The following SPECC1 variants were observed in gnomAD, a reference collection of about 807,000 sequenced individuals.
SPECC1 encodes cytospin-B.
Under a neutral mutation model 104.1 loss-of-function variants are expected in SPECC1, and 62 were observed. The ratio of observed to expected loss-of-function variants is 0.60; its 90% confidence interval spans 0.49 to 0.74. The LOEUF (loss-of-function observed/expected upper bound fraction) is 0.74, where lower values mean the gene tolerates loss of function less well. Ranked by LOEUF, SPECC1 falls within the 30% of genes least tolerant of loss-of-function variation. The probability of loss-of-function intolerance (pLI) is 0.00; values close to 1 mark genes in which losing one functional copy is unlikely to be tolerated. For missense variants in SPECC1, 1,306 were observed against 1,310.5 expected (o/e 1.00, Z 0.05); for synonymous variants, 513 against 501.6 (o/e 1.02, Z -0.30).
At chr17:20,099,070 G>C (rs1484050526) in intron 2 of SPECC1, among the ~76,000 whole-genome samples, 2 of 152,170 alleles carry the variant, frequency 1.3e-5, no homozygotes, top group African/African-American at 2.4e-5. Context: ...CTGTGTAGCT[G>C]CCCTGAGCTT....
At chr17:20,082,719 C>G (rs543895234) in intron 1 of SPECC1, among the ~76,000 whole-genome samples, 45 of 152,248 alleles carry the variant, frequency 3.0e-4, no homozygotes, top group African/African-American at 1.1e-3. Context: ...AGGGCTCAAC[C>G]ATATGACCTC....
intron 2 of SPECC1, among the ~76,000 whole-genome samples, chr17:20,099,600 C>T (rs1016297005): frequency 7.4e-6 from 1 of 136,002 alleles, no homozygotes; most frequent in Non-Finnish European, 1.5e-5. Flanking sequence ...GAGGCTGAGA[C>T]AGGAGAATTG....
At chr17:20,029,575 C>T (rs974601965) in intron 1 of SPECC1, among the ~76,000 whole-genome samples, 20 of 152,104 alleles carry the variant, frequency 1.3e-4, no homozygotes, top group African/African-American at 4.8e-4. Context: ...TGGATAGTTT[C>T]TTGGTTGTCA....
At chr17:20,035,816 G>A (rs1478760691) in intron 1 of SPECC1, among the ~76,000 whole-genome samples, 1 of 151,454 alleles carries the variant, frequency 6.6e-6, no homozygotes, top group African/African-American at 2.4e-5. Flanking sequence ...TAGTTTTAGT[G>A]TTTTTAAAAT....
chr17:20,132,035 C>G (rs1176997421), intron 3 of SPECC1, among the ~76,000 whole-genome samples: 2 of 152,122 alleles, frequency 1.3e-5, no homozygotes, highest in Non-Finnish European at 2.9e-5. Flanking sequence ...TGAGGAATTT[C>G]TCCTCTATTC....
At chr17:20,213,671 A>AC (rs2037305420) in intron 4 of SPECC1, among the ~76,000 whole-genome samples, 1 of 152,048 alleles carries the variant, frequency 6.6e-6, no homozygotes, top group African/African-American at 2.4e-5. Context: ...GGGTGAGTTG[A>AC]CCCCTGAGTG....
intron 3 of SPECC1, among the ~76,000 whole-genome samples, chr17:20,166,584 A>G (rs1339390965): frequency 6.6e-6 from 1 of 152,302 alleles, no homozygotes; most frequent in East Asian, 1.9e-4. Flanking sequence ...GAAAACTTTT[A>G]TTATCAAAAA....
chr17:20,172,099 A>T (rs1242251565), intron 3 of SPECC1, among the ~76,000 whole-genome samples: 2 of 152,174 alleles, frequency 1.3e-5, no homozygotes, highest in African/African-American at 4.8e-5. Context: ...TGAGTCTTAG[A>T]TAAAGTGTCA....
intron 7 of SPECC1, among the ~76,000 whole-genome samples, chr17:20,244,505 CATAAG>C (rs1567978959): frequency 1.3e-5 from 2 of 151,506 alleles, no homozygotes; most frequent in Non-Finnish European, 2.9e-5. Context: ...TTTTTTCACT[CATAAG>C]AAGGGACTGT....
intron 4 of SPECC1, among the ~76,000 whole-genome samples, chr17:20,211,158 AG>A (rs2037121290): frequency 6.6e-6 from 1 of 152,198 alleles, no homozygotes; most frequent in Non-Finnish European, 1.5e-5. Flanking sequence ...AGGGAAGCTG[AG>A]GGAACCTGCT....
chr17:20,082,994 GTTCGTTCGTTCATTCA>G (rs1363145578), intron 1 of SPECC1, among the ~76,000 whole-genome samples: 2 of 121,932 alleles, frequency 1.6e-5, no homozygotes, highest in East Asian at 4.1e-4. Context: ...TCGTTCGTTC[GTTCGTTCGTTCATTCA>G]TCCATCTAAA....
chr17:20,089,846 G>A (rs1038830418), intron 1 of SPECC1, among the ~76,000 whole-genome samples: 7 of 152,146 alleles, frequency 4.6e-5, no homozygotes, highest in South Asian at 2.1e-4. Context: ...AGAAATGGGC[G>A]CCCTAGAGAG....
At chr17:20,024,900 C>T (rs995301866) in intron 1 of SPECC1, among the ~76,000 whole-genome samples, 1 of 152,108 alleles carries the variant, frequency 6.6e-6, no homozygotes, top group African/African-American at 2.4e-5. Context: ...TAATTAGTTC[C>T]CATATTAAAT....
At position 20,205,400 on chromosome 17, in the gene SPECC1, G is replaced by C; in HGVS notation, c.1351G>C (p.Val451Leu). ...GCTGATGAATCTTTTACAAGAGCGA[G>C]TAAAGAATGAAGAGCCCACCACTCA... ...EKLMNLLQER[V>L]KNEEPTTQEG... The change falls in exon 4 of 15, where the codon GTA becomes CTA. Residue 451 changes from valine (V) to leucine (L), a missense_variant. Physicochemically the swap from Val to Leu is conservative, Grantham distance 32. Coordinates refer to ENST00000395527, the MANE Select transcript of SPECC1 (RefSeq NM_001243439.2). The C allele has an allele frequency of 6.2e-7, 1 of 1,613,898 alleles. No homozygotes were observed. Among genetic ancestry groups the C allele is most frequent in the Non-Finnish European group, 8.5e-7 (1 of 1,180,000 alleles).
intron 1 of SPECC1, among the ~76,000 whole-genome samples, chr17:20,078,574 A>G (rs1269580393): frequency 4.6e-5 from 7 of 152,218 alleles, no homozygotes; most frequent in African/African-American, 1.7e-4. Flanking sequence ...TGGCAATCAT[A>G]ACCAATGGGA....
chr17:20,132,810 G>A (rs2049721895), intron 3 of SPECC1, among the ~76,000 whole-genome samples: 1 of 151,786 alleles, frequency 6.6e-6, no homozygotes, highest in Admixed American at 6.6e-5. Context: ...CGTGATCTCG[G>A]CTCACTGCAA....
intron 3 of SPECC1, among the ~76,000 whole-genome samples, chr17:20,190,570 A>C (rs1338681877): frequency 6.6e-6 from 1 of 152,168 alleles, no homozygotes; most frequent in African/African-American, 2.4e-5. Flanking sequence ...TCCTGTTCCC[A>C]AACACACTCA....
At position 20,052,055 on chromosome 17, in the gene SPECC1, G is replaced by T. The variant is rs551094193; in HGVS notation, c.-22+42631G>T. Among the ~76,000 whole-genome samples the T allele has an allele frequency of 3.3e-5, 5 of 152,244 alleles. No individual in the cohort carries two copies. In the East Asian group the frequency reaches 7.7e-4, roughly 23 times the overall value. Reference sequence around the variant, plus strand: ...CAACTTCAACAAAAAAACCCTAGAAGAATGTTTGACCTGTAATAGTCACTT... The same window carrying T: ...CAACTTCAACAAAAAAACCCTAGAATAATGTTTGACCTGTAATAGTCACTT... On this transcript the variant is annotated intron_variant, in intron 1 of 14. Coordinates refer to ENST00000395527, the MANE Select transcript of SPECC1 (RefSeq NM_001243439.2).
At chr17:20,083,006 A>G (rs531009287) in intron 1 of SPECC1, among the ~76,000 whole-genome samples, 125 of 148,482 alleles carry the variant, frequency 8.4e-4, no homozygotes, top group African/African-American at 2.4e-3. Flanking sequence ...TCGTTCGTTC[A>G]TTCATCCATC....
Sources: allele counts gnomAD v4.1 joint callset (sites outside exome capture counted in the v4.1 genomes callset), GRCh38; gene constraint gnomAD v4.1.1; transcripts MANE v1.5; gene names NCBI Gene and HGNC (gene_info 2026-07-23, HGNC 2026-07-21).